Variants in LAIR1 observed in about 807,000 individuals in gnomAD.
The protein encoded by LAIR1 is leukocyte associated immunoglobulin like receptor 1, also known as leukocyte-associated immunoglobulin-like receptor 1.
A neutral mutation model predicts 32.8 loss-of-function variants in LAIR1; 24 were observed. That is an observed-to-expected ratio of 0.73 (90% CI 0.53 to 1.03). The LOEUF (loss-of-function observed/expected upper bound fraction) is 1.03, where lower values mean the gene tolerates loss of function less well. LAIR1 is among the 50% of genes least tolerant of loss of function. The pLI is 0.00. For synonymous variants in LAIR1, 150 were observed against 140.5 expected, an observed-to-expected ratio of 1.07 and a Z score of -0.48; for missense variants, 355 against 347.5, an observed-to-expected ratio of 1.02 and a Z score of -0.17.
intron 2 of LAIR1, 127 bp from the exon 3 acceptor site, chr19:54,361,336 C>T: frequency 9.9e-7 from 1 of 1,007,296 alleles, no homozygotes; most frequent in Non-Finnish European, 1.5e-6. Context: ...TGACCACAGC[C>T]CAACCTTAGA....
Position 54,351,871 on chromosome 19 carries a change from A to T in LAIR1, c.*3397T>A, listed in dbSNP as rs1041186979. On this transcript the variant is annotated 3_prime_UTR_variant, in exon 10 of 10. Coordinates refer to ENST00000391742, the MANE Select transcript of LAIR1 (RefSeq NM_002287.6). ...TATGTTCAGTTTTACACTAAAAGGT[A>T]AAAAAAAGTTAAAAAAAAGAAAAAA... 2.9e-4 allele frequency: 2 copies of T among 7,014 alleles called. No individual in the cohort carries two copies. Among genetic ancestry groups the T allele is most frequent in the Admixed American group, 3.4e-3 (2 of 588 alleles). 0.4% of individuals were successfully genotyped at this position (7,014 alleles called of 1,614,324 possible). A position where few individuals can be genotyped will look rare whatever the true frequency, so the allele number is the denominator to read the frequency against.
Position 54,356,387 on chromosome 19 carries a change from T to C in LAIR1, c.595A>G (p.Ser199Gly), listed in dbSNP as rs1441076017. 6.3e-7 allele frequency: 1 copy of C among 1,592,942 alleles called. No homozygotes were observed. Among genetic ancestry groups the C allele is most frequent in the East Asian group, 2.2e-5 (1 of 44,778 alleles). ...TGTGGCTTCTGCTCCTCGTCCTTGCTTCTGGGGGGCCCTAAGGACAGTCGG... is the reference window on the plus strand; with the variant it reads ...TGTGGCTTCTGCTCCTCGTCCTTGCCTCTGGGGGGCCCTAAGGACAGTCGG... ...QNQIKQGPPRSKDEEQKPQQR... is the reference protein window; with the variant it reads ...QNQIKQGPPRGKDEEQKPQQR... The change falls in exon 7 of 10, where the codon AGC (serine) becomes GGC (glycine). Residue 199 changes from serine to glycine, a missense_variant. Coordinates refer to ENST00000391742, the MANE Select transcript of LAIR1 (RefSeq NM_002287.6).
chr19:54,370,293 C>G, exon 1 of LAIR1: 3 of 1,543,814 alleles, frequency 1.9e-6, no homozygotes, highest in Non-Finnish European at 2.6e-6. Flanking sequence ...GTCGCGGATG[C>G]AACCCTGGAA....
At chr19:54,356,455 C>T in intron 6 of LAIR1, 36 bp downstream of exon 6, 1 of 1,612,818 alleles carries the variant, frequency 6.2e-7, no homozygotes, top group Non-Finnish European at 8.5e-7. Context: ...CTCCTGACAG[C>T]TTCCCAGGTC....
rs373755441 is a variant in LAIR1, at chr19:54,352,544, T to A, written c.*2724A>T. 1 of 153,766 alleles carries A rather than the reference T, an allele frequency of 6.5e-6. No homozygotes were observed. Among genetic ancestry groups the A allele is most frequent in the African/African-American group, 2.4e-5 (1 of 41,426 alleles). 9.5% of individuals were successfully genotyped at this position (153,766 alleles called of 1,614,324 possible). On this transcript the variant is annotated 3_prime_UTR_variant, in exon 10 of 10. Transcript: ENST00000391742. Reference sequence around the variant, plus strand: ...TGGGCCCTTCCTCTTTCCACTAATATGTCAAGAAATAACAGTGTGGTATTT... The same window carrying A: ...TGGGCCCTTCCTCTTTCCACTAATAAGTCAAGAAATAACAGTGTGGTATTT...
chr19:54,363,957 A>G (rs1368476813), intron 2 of LAIR1, among the ~76,000 whole-genome samples: 1 of 152,194 alleles, frequency 6.6e-6, no homozygotes, highest in Non-Finnish European at 1.5e-5. Context: ...TCTCATCACA[A>G]TAAGTATGTG....
Position 54,364,476 on chromosome 19 carries a change from A to T in LAIR1, c.35-146T>A, listed in dbSNP as rs554806542. On this transcript the variant is annotated intron_variant, in intron 1 of 9. Transcript: ENST00000391742. This position sits in a 1 kb window ranked among gnomAD's most constrained non-coding sequence, Gnocchi z 4.8. ...CTCCTCGACATCACTGTCTCCATGT[A>T]ATCCTTCTTGCTGCAAAATGGTTTC... The T allele has an allele frequency of 7.7e-5, 62 of 809,482 alleles. No individual in the cohort carries two copies. The African/African-American group carries it at 8.7e-4, about 11-fold the overall frequency. The allele number at this position is 809,482 out of a possible 1,614,324, so 50.1% of individuals were successfully genotyped here. A position where few individuals can be genotyped will look rare whatever the true frequency, so the allele number is the denominator to read the frequency against.
intron 4 of LAIR1, chr19:54,357,180 T>G (rs1402010126): frequency 1.8e-6 from 1 of 570,186 alleles, no homozygotes; most frequent in Non-Finnish European, 3.1e-6. Flanking sequence ...GCTATTGATA[T>G]TTAAATTTAT....
At chr19:54,357,172 T>C in intron 4 of LAIR1, 3 of 573,106 alleles carry the variant, frequency 5.2e-6, no homozygotes, top group Non-Finnish European at 6.2e-6. Flanking sequence ...CACACATAGC[T>C]ATTGATATTT....
intron 2 of LAIR1, 23 bp from the exon 3 acceptor site, chr19:54,361,232 T>A: frequency 6.2e-7 from 1 of 1,611,744 alleles, no homozygotes; most frequent in Non-Finnish European, 8.5e-7. Flanking sequence ...CAGAGCAGGA[T>A]CTCAGCGTCC....
At chr19:54,362,277 A>C (rs1341368753) in intron 2 of LAIR1, among the ~76,000 whole-genome samples, 2 of 152,116 alleles carry the variant, frequency 1.3e-5, no homozygotes, top group South Asian at 2.1e-4. Context: ...GTCTAGACGA[A>C]ATTTTCTATC....
chr19:54,363,798 C>T (rs933692195), intron 2 of LAIR1, among the ~76,000 whole-genome samples: 7 of 152,010 alleles, frequency 4.6e-5, no homozygotes, highest in African/African-American at 1.2e-4. Flanking sequence ...GCTGCAGGTG[C>T]GGGGCATGGG....
chr19:54,367,767 AT>A (rs774147516), upstream of LAIR1, among the ~76,000 whole-genome samples: 2,785 of 129,438 alleles, frequency 0.022, 41 homozygotes, highest in Middle Eastern at 0.045. Context: ...ATTTTTTTTA[AT>A]TTTTTTTTTT....
At chr19:54,373,119 C>T (rs764693735), upstream of LAIR1, among the ~76,000 whole-genome samples, 11 of 146,444 alleles carry the variant, frequency 7.5e-5, no homozygotes, top group Non-Finnish European at 8.9e-5. Flanking sequence ...GCAACAGGAG[C>T]GAAACTCTGT....
rs753429896 is a variant in LAIR1, at chr19:54,361,127, GC to G, written c.152del (p.Gly51AlafsTer41). The G allele has an allele frequency of 6.2e-7, 1 of 1,614,158 alleles. No homozygotes were observed. The highest frequency in any genetic ancestry group is 1.1e-5 in the South Asian group (1 of 91,082). On this transcript the variant is annotated frameshift_variant, in exon 3 of 10. Coordinates refer to ENST00000391742, the MANE Select transcript of LAIR1 (RefSeq NM_002287.6). LOFTEE classifies it high-confidence loss of function. The stretch of plus-strand genomic sequence containing the variant: ...GGCGGAATGTTTGAACCCCAACCGG[GC>G]CCCGGCACACGAAAGTCACATGGCT... Reference protein sequence around the residue: ...LGSHVTFVCRGPVGVQTFRLE... With the variant: ...LGSHVTFVCRXPVGVQTFRLE...
At chr19:54,360,346 T>C (rs2081952933) in intron 3 of LAIR1, among the ~76,000 whole-genome samples, 1 of 125,108 alleles carries the variant, frequency 8.0e-6, no homozygotes, top group African/African-American at 3.0e-5. Context: ...TGAAGATGGG[T>C]TGGATCCTCT....
rs1555930740 is a variant in LAIR1 at position 54,351,872 on chromosome 19, A to AAC, written c.*3395_*3396insGT. Reference sequence around the variant, plus strand: ...ATGTTCAGTTTTACACTAAAAGGTAAAAAAAAGTTAAAAAAAAGAAAAAAA... The same window carrying AAC: ...ATGTTCAGTTTTACACTAAAAGGTAAACAAAAAAGTTAAAAAAAAGAAAAAAA... On this transcript the variant is annotated 3_prime_UTR_variant, in exon 10 of 10. Transcript: ENST00000391742. 1 of 151,034 alleles carries AAC rather than the reference A, an allele frequency of 6.6e-6. No homozygotes were observed. 9.4% of individuals were successfully genotyped at this position (151,034 alleles called of 1,614,324 possible). A position where few individuals can be genotyped will look rare whatever the true frequency, so the allele number is the denominator to read the frequency against.
chr19:54,364,232 C>T lies in LAIR1; in HGVS notation c.70+63G>A. ...GCCCTCTAAGAATCAACATCACTCC[C>T]ACCCAGCACTGCCCTTGGGGTGACA... On this transcript the variant is annotated intron_variant, in intron 2 of 9. Transcript: ENST00000391742. The surrounding 1 kb of genome is among the most constrained non-coding windows in gnomAD (Gnocchi z 4.8). 1 of 1,534,602 alleles carries T rather than the reference C, an allele frequency of 6.5e-7. No individual in the cohort carries two copies. Among genetic ancestry groups the T allele is most frequent in the Non-Finnish European group, 9.0e-7 (1 of 1,109,728 alleles).
chr19:54,361,138 C>T lies in LAIR1; in HGVS notation c.142G>A (p.Val48Met), dbSNP rs201618231. Reference sequence around the variant, plus strand: ...TGAACCCCAACCGGGCCCCGGCACACGAAAGTCACATGGCTCCCCAGGGGG... The same window carrying T: ...TGAACCCCAACCGGGCCCCGGCACATGAAAGTCACATGGCTCCCCAGGGGG... Reference protein sequence around the residue: ...VIPLGSHVTFVCRGPVGVQTF... With the variant: ...VIPLGSHVTFMCRGPVGVQTF... Residue 48 changes from valine to methionine, a missense_variant, in exon 3 of 10, where the codon GTG (valine) becomes ATG (methionine). By Grantham distance (21) the Val-to-Met change is conservative. Coordinates refer to ENST00000391742, the MANE Select transcript of LAIR1 (RefSeq NM_002287.6). 34 of 1,614,022 alleles carry T rather than the reference C, an allele frequency of 2.1e-5. No homozygotes were observed. Among genetic ancestry groups the T allele is most frequent in the South Asian group, 6.6e-5 (6 of 91,086 alleles).
Sources: allele counts gnomAD v4.1 joint callset (sites outside exome capture counted in the v4.1 genomes callset), GRCh38; gene constraint gnomAD v4.1.1; non-coding constraint Gnocchi (gnomAD v3.1); transcripts MANE v1.5; gene names NCBI Gene and HGNC (gene_info 2026-07-23, HGNC 2026-07-21).